LRMDA: variants seen among roughly 807,000 people sequenced by gnomAD.
The protein encoded by LRMDA is leucine rich melanocyte differentiation associated.
LRMDA carries 18 observed loss-of-function variants against 29.8 expected under a neutral mutation model. The ratio of observed to expected loss-of-function variants is 0.60; its 90% CI spans 0.42 to 0.90. The LOEUF is 0.90. Ranked by LOEUF, LRMDA falls within the 40% of genes least tolerant of loss-of-function variation. The pLI, the probability that LRMDA is intolerant of heterozygous loss-of-function variation, is 0.00. For synonymous variants in LRMDA, 125 were observed against 109.4 expected (o/e 1.14, Z -0.89); for missense variants, 273 against 273.9 (o/e 1.00, Z 0.02).
intron 6 of LRMDA, among the ~76,000 whole-genome samples, chr10:76,546,823 C>T (rs950883954): frequency 2.6e-5 from 4 of 152,070 alleles, no homozygotes; most frequent in African/African-American, 9.7e-5. Context: ...TATCTAGAAG[C>T]CCACAAATAC....
At chr10:76,185,168 C>A (rs941091190) in intron 5 of LRMDA, among the ~76,000 whole-genome samples, 4 of 152,184 alleles carry the variant, frequency 2.6e-5, no homozygotes, top group African/African-American at 9.7e-5. Context: ...TAATGAGTTA[C>A]TGCGTTCAGG....
intron 5 of LRMDA, among the ~76,000 whole-genome samples, chr10:76,225,051 A>T (rs531280132): frequency 7.9e-5 from 12 of 152,162 alleles, no homozygotes; most frequent in Admixed American, 7.9e-4. Flanking sequence ...TAACACATTT[A>T]TTGAGTTGTC....
intron 2 of LRMDA, among the ~76,000 whole-genome samples, chr10:75,760,714 G>A (rs1475041149): frequency 1.3e-5 from 2 of 152,188 alleles, no homozygotes; most frequent in Non-Finnish European, 2.9e-5. Context: ...GATGAGGGCA[G>A]TGGATGAGGA....
chr10:76,543,316 CTGTGTG>C (rs71028203), intron 6 of LRMDA, among the ~76,000 whole-genome samples: 5,146 of 144,002 alleles, frequency 0.036, 118 homozygotes, highest in African/African-American at 0.063. Flanking sequence ...TGGGGTGTGC[CTGTGTG>C]TGTGTGTGTG....
At chr10:76,049,302 G>A (rs1210020913) in intron 4 of LRMDA, among the ~76,000 whole-genome samples, 1 of 152,158 alleles carries the variant, frequency 6.6e-6, no homozygotes, top group African/African-American at 2.4e-5. Flanking sequence ...AGATTCTAGA[G>A]GTCATACAAA....
intron 2 of LRMDA, among the ~76,000 whole-genome samples, chr10:75,547,833 C>T (rs1481741240): frequency 6.6e-6 from 1 of 152,110 alleles, no homozygotes; most frequent in Non-Finnish European, 1.5e-5. Flanking sequence ...GGTCTGTGAT[C>T]ACAATTGTGA....
At chr10:76,271,418 A>C (rs1840066775) in intron 5 of LRMDA, among the ~76,000 whole-genome samples, 1 of 152,116 alleles carries the variant, frequency 6.6e-6, no homozygotes, top group Admixed American at 6.5e-5. Context: ...GGAAAAAAAA[A>C]AAATTCCTAC....
chr10:76,339,255 TC>T (rs1841007256), intron 6 of LRMDA, among the ~76,000 whole-genome samples: 1 of 140,902 alleles, frequency 7.1e-6, no homozygotes, highest in African/African-American at 2.6e-5. Flanking sequence ...AAGGAAGACT[TC>T]CTTCCCCCTC....
At chr10:75,562,657 G>A (rs1449838946) in intron 2 of LRMDA, among the ~76,000 whole-genome samples, 1 of 152,122 alleles carries the variant, frequency 6.6e-6, no homozygotes, top group Non-Finnish European at 1.5e-5. Flanking sequence ...TGATTTTGCA[G>A]TGGCTGGTAC....
At chr10:76,431,931 G>A (rs1019008756) in intron 6 of LRMDA, among the ~76,000 whole-genome samples, 13 of 152,180 alleles carry the variant, frequency 8.5e-5, no homozygotes, top group African/African-American at 2.4e-4. Context: ...TGTGAGACAT[G>A]CCTTTCACCT....
chr10:76,444,398 G>T (rs2132294361), intron 6 of LRMDA, among the ~76,000 whole-genome samples: 1 of 152,300 alleles, frequency 6.6e-6, no homozygotes, highest in Non-Finnish European at 1.5e-5. Flanking sequence ...TGAGAGCTGG[G>T]CTCGAGCCCT....
At chr10:76,103,157 T>G (rs1019949552) in intron 5 of LRMDA, among the ~76,000 whole-genome samples, 1 of 152,242 alleles carries the variant, frequency 6.6e-6, no homozygotes, top group African/African-American at 2.4e-5. Flanking sequence ...AAGTCATCTT[T>G]CTACTAGTTT....
At chr10:76,210,585 A>G (rs1196459383) in intron 5 of LRMDA, among the ~76,000 whole-genome samples, 5 of 152,186 alleles carry the variant, frequency 3.3e-5, no homozygotes, top group Non-Finnish European at 5.9e-5. Context: ...TATATATTGA[A>G]ATGGCGGTGG....
rs544680196 is a variant in LRMDA at position 76,285,362 on chromosome 10, G to T, written c.517-39039G>T. ...CTCAGTGGAGGGAGGGGGCAGTAAG[G>T]CCTTAGGAAAGCCGAGGCTGGCTGA... On this transcript the variant is annotated intron_variant, in intron 5 of 6. Coordinates refer to ENST00000611255, the MANE Select transcript of LRMDA (RefSeq NM_001305581.2). Among the ~76,000 whole-genome samples, 383 of 152,020 alleles carry T rather than the reference G, an allele frequency of 2.5e-3. 3 individuals carry two copies. The highest frequency in any genetic ancestry group is 8.9e-3 in the African/African-American group (369 of 41,454).
chr10:75,753,741 T>C (rs1050393954), intron 2 of LRMDA, among the ~76,000 whole-genome samples: 1 of 152,118 alleles, frequency 6.6e-6, no homozygotes, highest in African/African-American at 2.4e-5. Context: ...AGAATCTGAT[T>C]TGTGTTTTTC....
intron 2 of LRMDA, among the ~76,000 whole-genome samples, chr10:75,687,614 C>T (rs1310790074): frequency 1.3e-5 from 2 of 152,192 alleles, no homozygotes; most frequent in East Asian, 3.8e-4. Context: ...GAAGCTGCAG[C>T]AAGTTATCCA....
rs368576699 is a variant in LRMDA, at chr10:75,986,187, A to G, written c.132-49821A>G. On this transcript the variant is annotated intron_variant, in intron 2 of 6. Transcript: ENST00000611255. ...GAGTACCTACTATTTAACAGACACC[A>G]GTGGTTTAAAGATCAATAAGATATG... Among the ~76,000 whole-genome samples the G allele has an allele frequency of 1.1e-4, 17 of 152,284 alleles. No individual in the cohort carries two copies. The East Asian group carries it at 2.1e-3, about 19-fold the overall frequency.
chr10:75,755,054 GTTTGT>G (rs1164599737), intron 2 of LRMDA, among the ~76,000 whole-genome samples: 6 of 148,584 alleles, frequency 4.0e-5, no homozygotes, highest in South Asian at 2.1e-4. Flanking sequence ...TTTTTTTTTT[GTTTGT>G]TTTGTTTTGT....
intron 2 of LRMDA, among the ~76,000 whole-genome samples, chr10:75,691,256 A>C (rs1279364126): frequency 7.7e-6 from 1 of 129,170 alleles, no homozygotes; most frequent in Non-Finnish European, 1.5e-5. Flanking sequence ...GTATGTATGT[A>C]TATGTGTATA....
Sources: allele counts gnomAD v4.1 joint callset (sites outside exome capture counted in the v4.1 genomes callset), GRCh38; gene constraint gnomAD v4.1.1; transcripts MANE v1.5; gene names NCBI Gene and HGNC (gene_info 2026-07-23, HGNC 2026-07-21).